PPP4R3A: variants seen among roughly 807,000 people sequenced by gnomAD.
The protein encoded by PPP4R3A is serine/threonine-protein phosphatase 4 regulatory subunit 3A.
A neutral mutation model predicts 91.7 loss-of-function variants in PPP4R3A; 15 were observed. The observed-to-expected ratio is 0.16, with a 90% CI of 0.11 to 0.25. The LOEUF (loss-of-function observed/expected upper bound fraction) is 0.25. Ranked by LOEUF, PPP4R3A falls within the 10% of genes least tolerant of loss-of-function variation. The probability of loss-of-function intolerance (pLI) is 1.00; values close to 1 mark genes in which losing one functional copy is unlikely to be tolerated. For missense variants in PPP4R3A, 623 were observed against 998.4 expected (o/e 0.62, Z 5.07); for synonymous variants, 377 against 348.7 (o/e 1.08, Z -0.91).
At chr14:91,470,722 G>A (rs1888781389) in intron 10 of PPP4R3A, 115 bp downstream of exon 10, 5 of 1,173,774 alleles carry the variant, frequency 4.3e-6, no homozygotes, top group Non-Finnish European at 6.0e-6. Context: ...GGCAGAGCTA[G>A]TATTACGACC....
rs1271795524 is a variant in PPP4R3A at position 91,487,330 on chromosome 14, C to T, written c.199-1600G>A. ...ATACATACTGTTTGATAGCAATCAA[C>T]CATTTCAAAAAAGGATCCTCTCATT... On this transcript the variant is annotated intron_variant, in intron 2 of 14. Coordinates refer to ENST00000554943, the MANE Select transcript of PPP4R3A (RefSeq NM_001366432.2). 4.0e-5 allele frequency among the ~76,000 whole-genome samples: 6 copies of T among 151,156 alleles called. No individual in the cohort carries two copies. In the East Asian group the frequency reaches 9.7e-4, roughly 24 times the overall value.
chr14:91,472,885 G>T, intron 9 of PPP4R3A, 148 bp downstream of exon 9: 1 of 679,888 alleles, frequency 1.5e-6, no homozygotes. Context: ...CTGATGGTTT[G>T]AACTTTTAAA....
At chr14:91,490,163 G>T (rs1358023597) in intron 2 of PPP4R3A, among the ~76,000 whole-genome samples, 1 of 152,194 alleles carries the variant, frequency 6.6e-6, no homozygotes, top group African/African-American at 2.4e-5. Flanking sequence ...TGTACTGAAT[G>T]AATACCATTT....
intron 1 of PPP4R3A, among the ~76,000 whole-genome samples, chr14:91,502,258 G>GA (rs1396341148): frequency 6.6e-6 from 1 of 151,936 alleles, no homozygotes; most frequent in Non-Finnish European, 1.5e-5. Flanking sequence ...CACCTCCCCT[G>GA]AAAAAATTTA....
chr14:91,480,328 GAAGTT>G (rs1889479532), intron 4 of PPP4R3A, among the ~76,000 whole-genome samples: 4 of 152,132 alleles, frequency 2.6e-5, no homozygotes, highest in Admixed American at 2.6e-4. Flanking sequence ...GAAGCTTTAA[GAAGTT>G]AAGGCTGCCC....
chr14:91,486,920 A>ATAAAAAT (rs772968064), intron 2 of PPP4R3A, among the ~76,000 whole-genome samples: 2 of 147,164 alleles, frequency 1.4e-5, no homozygotes, highest in South Asian at 2.1e-4. Flanking sequence ...AAAAAAAAAA[A>ATAAAAAT]AAAATAGAGA....
intron 1 of PPP4R3A, among the ~76,000 whole-genome samples, chr14:91,497,496 AAC>A (rs1236695237): frequency 3.9e-5 from 6 of 152,194 alleles, no homozygotes; most frequent in Non-Finnish European, 8.8e-5. Flanking sequence ...TGAGAAAGGA[AAC>A]ACAGAGAAAA....
Position 91,503,587 on chromosome 14 carries a change from G to C in PPP4R3A, c.142+5919C>G, listed in dbSNP as rs966886381. 2.0e-5 allele frequency among the ~76,000 whole-genome samples: 3 copies of C among 152,196 alleles called. No individual in the cohort carries two copies. The South Asian group carries it at 6.2e-4, about 32-fold the overall frequency. On this transcript the variant is annotated intron_variant, in intron 1 of 14. Coordinates refer to ENST00000554943, the MANE Select transcript of PPP4R3A (RefSeq NM_001366432.2). ...AGTAGTACAAAGGGGCAGAGGGAGA[G>C]AGAGTATCAGGAAGAATAGCTAATG...
chr14:91,482,319 G>T, intron 3 of PPP4R3A, 126 bp from the exon 4 acceptor site: 2 of 1,041,710 alleles, frequency 1.9e-6, no homozygotes, highest in Middle Eastern at 2.3e-4. Context: ...AGACAAAACT[G>T]CCTACTTTTC....
At chr14:91,488,032 AAT>A (rs1296783797) in intron 2 of PPP4R3A, among the ~76,000 whole-genome samples, 1 of 152,154 alleles carries the variant, frequency 6.6e-6, no homozygotes, top group East Asian at 1.9e-4. Flanking sequence ...CATGTTTAAA[AAT>A]GTGTCTAAGC....
chr14:91,476,086 A>G (rs1889188958), intron 6 of PPP4R3A, 120 bp from the exon 7 acceptor site: 5 of 949,864 alleles, frequency 5.3e-6, no homozygotes, highest in Non-Finnish European at 7.5e-6. Context: ...AAGGTCAAAG[A>G]AATTCTTCTG....
intron 1 of PPP4R3A, among the ~76,000 whole-genome samples, chr14:91,493,782 T>G (rs976824445): frequency 1.3e-5 from 2 of 149,530 alleles, no homozygotes; most frequent in Non-Finnish European, 2.9e-5. Context: ...ACTTTTTTTT[T>G]TTTTTTTGAG....
chr14:91,507,475 CTA>C (rs1177866326), intron 1 of PPP4R3A, among the ~76,000 whole-genome samples: 1 of 129,008 alleles, frequency 7.8e-6, no homozygotes, highest in African/African-American at 3.4e-5. Flanking sequence ...ATTATATATA[CTA>C]TAGTTATATA....
At chr14:91,507,466 TTATATATACTATAGTTA>T (rs1891437710) in intron 1 of PPP4R3A, among the ~76,000 whole-genome samples, 9 of 131,418 alleles carry the variant, frequency 6.8e-5, no homozygotes, top group African/African-American at 2.9e-4. Context: ...TATACTATAA[TTATATATACTATAGTTA>T]TATATACTAT....
At chr14:91,464,740 A>G (rs1595050445) in intron 11 of PPP4R3A, among the ~76,000 whole-genome samples, 1 of 152,210 alleles carries the variant, frequency 6.6e-6, no homozygotes, top group African/African-American at 2.4e-5. Flanking sequence ...TTATCTGTCA[A>G]GTGTAGTTTT....
chr14:91,503,186 C>T (rs1210328185), intron 1 of PPP4R3A, among the ~76,000 whole-genome samples: 1 of 152,180 alleles, frequency 6.6e-6, no homozygotes, highest in Non-Finnish European at 1.5e-5. Flanking sequence ...CAGGGTCTTG[C>T]TATGTTGCCC....
chr14:91,494,425 G>A (rs1373656224), intron 1 of PPP4R3A, among the ~76,000 whole-genome samples: 4 of 152,082 alleles, frequency 2.6e-5, no homozygotes, highest in Non-Finnish European at 4.4e-5. Flanking sequence ...ACTTGTATCC[G>A]GAATATATAA....
chr14:91,470,002 GATAT>G (rs1424828822), intron 10 of PPP4R3A, among the ~76,000 whole-genome samples: 2 of 151,904 alleles, frequency 1.3e-5, no homozygotes, highest in Non-Finnish European at 2.9e-5. Context: ...AGCAAAAATG[GATAT>G]ATATTCAGGC....
rs964059230 is a variant in PPP4R3A, at chr14:91,509,931, C to G, written c.-284G>C. On this transcript the variant is annotated 5_prime_UTR_variant, in exon 1 of 15. Coordinates refer to ENST00000554943, the MANE Select transcript of PPP4R3A (RefSeq NM_001366432.2). ...GAGGGGGCCGCGCAGCGCTTCGTAG[C>G]CTCCCGCCCCGCAGCGCTAGGAACT... The G allele has an allele frequency of 3.9e-6, 4 of 1,037,466 alleles. No individual in the cohort carries two copies. Among genetic ancestry groups the G allele is most frequent in the Middle Eastern group, 4.6e-4 (1 of 2,182 alleles). The allele number at this position is 1,037,466 out of a possible 1,614,324, so 64.3% of individuals were successfully genotyped here.
Sources: allele counts gnomAD v4.1 joint callset (sites outside exome capture counted in the v4.1 genomes callset), GRCh38; gene constraint gnomAD v4.1.1; transcripts MANE v1.5; gene names NCBI Gene and HGNC (gene_info 2026-07-23, HGNC 2026-07-21).